Variants in PLCG2 observed in about 807,000 individuals in gnomAD.
PLCG2 encodes the protein 1-phosphatidylinositol 4,5-bisphosphate phosphodiesterase gamma-2.
In PLCG2, 69 loss-of-function variants were observed where a neutral mutation model predicts 175.6. That is an observed-to-expected ratio of 0.39 (90% CI 0.32 to 0.48). The LOEUF (loss-of-function observed/expected upper bound fraction) is 0.48. Ranked by LOEUF, PLCG2 falls within the 20% of genes least tolerant of loss-of-function variation. The pLI, the probability that PLCG2 is intolerant of heterozygous loss-of-function variation, is 0.91. For synonymous variants in PLCG2, 827 were observed against 624.0 expected (o/e 1.33, Z -4.85); for missense variants, 1,798 against 1,650.9 (o/e 1.09, Z -1.54).
chr16:81,910,715 C>G lies in PLCG2; in HGVS notation c.1929C>G (p.Ser643=), dbSNP rs752420268. 1 of 1,607,850 alleles carries G rather than the reference C, an allele frequency of 6.2e-7. No homozygotes were observed. The highest frequency in any genetic ancestry group is 2.2e-5 in the East Asian group (1 of 44,880). The change falls in exon 18 of 33, where the codon TCC becomes TCG. Residue 643 remains serine, a synonymous_variant. Transcript: ENST00000564138. ...TGCCCAACCCCAACCCCCACGAGTCCAAGCCGTACGTGTCTGAGGGTGGAG... is the reference window on the plus strand; with the variant it reads ...TGCCCAACCCCAACCCCCACGAGTCGAAGCCGTACGTGTCTGAGGGTGGAG... The part of the protein sequence containing the change: ...DPVPNPNPHE[S]KPWYYDSLSR...
At chr16:81,923,434 C>T (rs748324103) in intron 21 of PLCG2, 51 bp from the exon 22 acceptor site, 65 of 1,147,894 alleles carry the variant, frequency 5.7e-5, no homozygotes, top group Non-Finnish European at 6.9e-5. Context: ...CAGCCGCCTC[C>T]CTCCCCTCCT....
intron 1 of PLCG2, among the ~76,000 whole-genome samples, chr16:81,752,316 G>C (rs1027800051): frequency 1.3e-5 from 2 of 152,130 alleles, no homozygotes; most frequent in Admixed American, 6.6e-5. Flanking sequence ...AGAAGCACCC[G>C]GCCAGCTCTG....
intron 2 of PLCG2, among the ~76,000 whole-genome samples, chr16:81,772,088 A>T (rs764335421): frequency 6.6e-6 from 1 of 152,028 alleles, no homozygotes; most frequent in Admixed American, 6.6e-5. Flanking sequence ...AAGGCTGGAA[A>T]TAGGGTCTTT....
At chr16:81,895,018 C>T (rs766896192) in intron 12 of PLCG2, among the ~76,000 whole-genome samples, 3 of 152,052 alleles carry the variant, frequency 2.0e-5, no homozygotes. Context: ...TATGATTTTT[C>T]TCCTCCCTCA....
At chr16:81,856,976 T>C (rs12917936) in intron 3 of PLCG2, among the ~76,000 whole-genome samples, 1 of 152,006 alleles carries the variant, frequency 6.6e-6, no homozygotes. Context: ...GAAAGGTGAG[T>C]AAACAGATTC....
In PLCG2 at chr16:81,910,595, C is replaced by G; in HGVS notation, c.1809C>G (p.Asp603Glu). 2 of 1,614,156 alleles carry G rather than the reference C, an allele frequency of 1.2e-6. No homozygotes were observed. Among genetic ancestry groups the G allele is most frequent in the Non-Finnish European group, 1.7e-6 (2 of 1,180,000 alleles). Residue 603 changes from aspartate to glutamate, a missense_variant, in exon 18 of 33, where the codon GAC becomes GAG. By Grantham distance (45) the Asp-to-Glu change is conservative. Transcript: ENST00000564138. Reference protein sequence around the residue: ...EGGTLKYYLTDNLTFSSIYAL... With the variant: ...EGGTLKYYLTENLTFSSIYAL... ...GGACCCTGAAATACTACTTGACTGA[C>G]AACCTCACCTTCAGCAGCATCTATG...
intron 2 of PLCG2, among the ~76,000 whole-genome samples, chr16:81,758,171 T>G (rs1909968119): frequency 6.6e-6 from 1 of 152,050 alleles, no homozygotes; most frequent in African/African-American, 2.4e-5. Context: ...AGAGATGGGG[T>G]TTCGCGGTGT....
chr16:81,786,487 G>A (rs1910978181), intron 2 of PLCG2, among the ~76,000 whole-genome samples: 1 of 152,186 alleles, frequency 6.6e-6, no homozygotes, highest in African/African-American at 2.4e-5. Context: ...ATCAGGGATC[G>A]TCTGGTTCCC....
At chr16:81,859,755 C>G (rs1168721945) in intron 5 of PLCG2, among the ~76,000 whole-genome samples, 1 of 152,132 alleles carries the variant, frequency 6.6e-6, no homozygotes, top group Non-Finnish European at 1.5e-5. Flanking sequence ...GCAGGATGGT[C>G]TTGAACTCCT....
Position 81,766,372 on chromosome 16 carries a change from C to T in PLCG2, c.-48+10406C>T, listed in dbSNP as rs1051733137. Among the ~76,000 whole-genome samples, 16 of 152,186 alleles carry T rather than the reference C, an allele frequency of 1.1e-4. 1 individual carries two copies. The highest frequency in any genetic ancestry group is 3.1e-4 in the African/African-American group (13 of 41,448). On this transcript the variant is annotated intron_variant, in intron 2 of 5. Transcript: ENST00000565054. ...CCCCCAACCCTGCCCTCAAGCTCTG[C>T]ACCATTTTGTAACCCTCAAAAGCAA...
rs767805429 is a variant in PLCG2 at position 81,919,447 on chromosome 16, A to T, written c.2055-37A>T. The T allele has an allele frequency of 3.2e-6, 5 of 1,569,802 alleles. No homozygotes were observed. The East Asian group carries it at 1.1e-4, about 35-fold the overall frequency. On this transcript the variant is annotated intron_variant, in intron 19 of 32. Coordinates refer to ENST00000564138, the MANE Select transcript of PLCG2 (RefSeq NM_002661.5). ...GTGTAAAAATTGTTTGGCCACCAGG[A>T]TCTTGGCATGTCAACCCTGTGTTCT...
At chr16:81,899,807 G>A (rs78791105) in intron 13 of PLCG2, among the ~76,000 whole-genome samples, 2 of 152,308 alleles carry the variant, frequency 1.3e-5, no homozygotes, top group East Asian at 3.9e-4. Flanking sequence ...TGAGCCCAGT[G>A]TCAGTCAATA....
At chr16:81,832,041 G>A (rs926837331) in intron 2 of PLCG2, among the ~76,000 whole-genome samples, 5 of 152,262 alleles carry the variant, frequency 3.3e-5, no homozygotes, top group South Asian at 2.1e-4. Context: ...CTGGGCACTC[G>A]GACACAGTTA....
intron 31 of PLCG2, among the ~76,000 whole-genome samples, chr16:81,951,059 C>T (rs975354076): frequency 2.0e-5 from 3 of 152,158 alleles, no homozygotes; most frequent in African/African-American, 7.2e-5. Flanking sequence ...GTGATCATGG[C>T]TCACTGCAGC....
chr16:81,832,227 C>G (rs1905289870), intron 2 of PLCG2, among the ~76,000 whole-genome samples: 1 of 152,226 alleles, frequency 6.6e-6, no homozygotes, highest in African/African-American at 2.4e-5. Flanking sequence ...TCATTGTTAA[C>G]AGTGGTAGTG....
At chr16:81,818,742 C>A (rs9924890) in intron 2 of PLCG2, among the ~76,000 whole-genome samples, 23,128 of 151,786 alleles carry the variant, frequency 0.15, 1,890 homozygotes, top group African/African-American at 0.17. Flanking sequence ...TCATGAGTTT[C>A]CATGGAAACT....
At chr16:81,867,945 C>G (rs538191658) in intron 5 of PLCG2, among the ~76,000 whole-genome samples, 2 of 152,242 alleles carry the variant, frequency 1.3e-5, no homozygotes, top group South Asian at 4.1e-4. Context: ...GTGATCCGCC[C>G]GCCTCAGCCT....
intron 2 of PLCG2, among the ~76,000 whole-genome samples, 199 bp from the exon 3 acceptor site, chr16:81,854,245 C>T (rs1291805716): frequency 1.3e-5 from 2 of 152,166 alleles, no homozygotes; most frequent in South Asian, 2.1e-4. Context: ...TGTGGGGTGG[C>T]AGCAAATGCC....
intron 2 of PLCG2, among the ~76,000 whole-genome samples, chr16:81,811,731 G>A (rs1341630083): frequency 2.0e-5 from 3 of 152,154 alleles, no homozygotes; most frequent in Non-Finnish European, 4.4e-5. Flanking sequence ...AGTATTCCAT[G>A]GTGTATATGT....
Sources: allele counts gnomAD v4.1 joint callset (sites outside exome capture counted in the v4.1 genomes callset), GRCh38; gene constraint gnomAD v4.1.1; transcripts MANE v1.5; gene names NCBI Gene and HGNC (gene_info 2026-07-23, HGNC 2026-07-21).